STK31: variants seen among roughly 807,000 people sequenced by gnomAD.
The protein encoded by STK31 is serine/threonine-protein kinase 31.
STK31 carries 89 observed loss-of-function variants against 129.7 expected under a neutral mutation model. That is an observed-to-expected ratio of 0.69 (90% CI 0.58 to 0.82). The LOEUF is 0.82. STK31 is among the 40% of genes least tolerant of loss of function. STK31 has a pLI of 0.00. For synonymous variants in STK31, 448 were observed against 395.3 expected, an observed-to-expected ratio of 1.13 and a Z score of -1.58; for missense variants, 1,187 against 1,176.4, an observed-to-expected ratio of 1.01 and a Z score of -0.13.
chr7:23,787,945 A>G, intron 20 of STK31, 35 bp from the exon 21 acceptor site: 1 of 1,474,612 alleles, frequency 6.8e-7, no homozygotes, highest in Non-Finnish European at 9.0e-7. Context: ...TGATTTGCCT[A>G]CTTCCTCACT....
Position 23,743,680 on chromosome 7 carries a change from C to G in STK31, c.1017+6602C>G, listed in dbSNP as rs147175843. On this transcript the variant is annotated intron_variant, in intron 8 of 23. Transcript: ENST00000355870. ...TTTATTTGAATGTCTAAATCTCTTG[C>G]TAGACTTGGGAAGTTTTCAGCTATT... 3.8e-3 allele frequency among the ~76,000 whole-genome samples: 573 copies of G among 152,164 alleles called. 4 individuals carry two copies. Among genetic ancestry groups the G allele is most frequent in the Middle Eastern group, 0.01 (3 of 294 alleles).
At chr7:23,747,461 C>T (rs923257830) in intron 8 of STK31, among the ~76,000 whole-genome samples, 3 of 152,160 alleles carry the variant, frequency 2.0e-5, no homozygotes, top group Non-Finnish European at 4.4e-5. Flanking sequence ...GCCCCACCTC[C>T]TGGGTTCACG....
chr7:23,784,005 C>A (rs1330382045), intron 17 of STK31, among the ~76,000 whole-genome samples: 1 of 151,998 alleles, frequency 6.6e-6, no homozygotes, highest in Non-Finnish European at 1.5e-5. Flanking sequence ...ATATTGCTAG[C>A]CCTGAGGGAT....
chr7:23,826,173 G>T (rs947447997), intron 23 of STK31, among the ~76,000 whole-genome samples: 18 of 152,046 alleles, frequency 1.2e-4, no homozygotes, highest in Non-Finnish European at 1.2e-4. Context: ...CTGTCTTGTT[G>T]GTCTGCCTAA....
chr7:23,717,197 A>G (rs560385703), intron 3 of STK31, among the ~76,000 whole-genome samples: 2 of 145,820 alleles, frequency 1.4e-5, no homozygotes, highest in African/African-American at 5.1e-5. Context: ...GAGCTCTGCA[A>G]TCAAATCAAT....
At position 23,781,505 on chromosome 7, in the gene STK31, T is replaced by C. The variant is rs1346745296; in HGVS notation, c.2052T>C (p.His684=). The C allele has an allele frequency of 1.9e-6, 3 of 1,607,000 alleles. No homozygotes were observed. The African/African-American group carries it at 4.0e-5, about 22-fold the overall frequency. The change falls in exon 16 of 24, where the codon CAT becomes CAC. Residue 684 remains histidine, a synonymous_variant. Coordinates refer to ENST00000355870, the MANE Select transcript of STK31 (RefSeq NM_031414.5). ...LRNNVFQEIY[H]EREEYEMLTS... is the part of the protein sequence containing the mutation. Reference sequence around the variant, plus strand: ...ATAATGTCTTTCAGGAAATTTATCATGAGAGAGAGGAATATGTAAGTATTT... The same window carrying C: ...ATAATGTCTTTCAGGAAATTTATCACGAGAGAGAGGAATATGTAAGTATTT...
chr7:23,716,505 T>C (rs548851446), intron 3 of STK31, among the ~76,000 whole-genome samples: 38 of 152,308 alleles, frequency 2.5e-4, no homozygotes, highest in African/African-American at 8.7e-4. Context: ...ACGAATTTTA[T>C]TGTTTATTGC....
At chr7:23,722,086 A>G (rs1443280488) in intron 4 of STK31, 1 of 155,096 alleles carries the variant, frequency 6.4e-6, no homozygotes, top group Non-Finnish European at 1.4e-5. Context: ...TCAACTCATC[A>G]AAGTCATTCT....
chr7:23,711,310 G>A (rs1055227590), intron 1 of STK31, among the ~76,000 whole-genome samples: 3 of 151,942 alleles, frequency 2.0e-5, no homozygotes, highest in Non-Finnish European at 4.4e-5. Flanking sequence ...GGTGTCACGC[G>A]CCGGTAATCT....
At chr7:23,827,342 T>C (rs1166500215) in intron 23 of STK31, among the ~76,000 whole-genome samples, 1 of 152,216 alleles carries the variant, frequency 6.6e-6, no homozygotes, top group African/African-American at 2.4e-5. Flanking sequence ...TTCATTTCAT[T>C]CATTTCATCT....
intron 4 of STK31, among the ~76,000 whole-genome samples, chr7:23,719,681 T>C (rs1169785018): frequency 1.3e-5 from 2 of 152,118 alleles, no homozygotes; most frequent in East Asian, 1.9e-4. Flanking sequence ...CACCCACTGG[T>C]ATAAAACAGA....
At chr7:23,828,417 T>C (rs1172216461) in intron 23 of STK31, among the ~76,000 whole-genome samples, 1 of 152,252 alleles carries the variant, frequency 6.6e-6, no homozygotes, top group Non-Finnish European at 1.5e-5. Context: ...AATCTCCTGG[T>C]GTGCCGTTTG....
chr7:23,718,207 G>T (rs2128063467), intron 4 of STK31, among the ~76,000 whole-genome samples: 1 of 152,272 alleles, frequency 6.6e-6, no homozygotes, highest in East Asian at 1.9e-4. Context: ...TGTCTGCCAT[G>T]TACCTGGCAC....
Position 23,710,227 on chromosome 7 carries a change from A to C in STK31, c.-59A>C, listed in dbSNP as rs1785840662. The C allele has an allele frequency of 1.2e-6, 2 of 1,611,324 alleles. No homozygotes were observed. Among genetic ancestry groups the C allele is most frequent in the Admixed American group, 1.7e-5 (1 of 59,974 alleles). ...CGCAGTGTGGGGCCCTTGCGGTCGA[A>C]GCTCACGCGGTAAGCCGCTGCACGT... is the stretch of plus-strand genomic sequence containing the variant. On this transcript the variant is annotated 5_prime_UTR_variant, in exon 1 of 24. Coordinates refer to ENST00000355870, the MANE Select transcript of STK31 (RefSeq NM_031414.5).
intron 4 of STK31, 127 bp downstream of exon 4, chr7:23,717,706 C>T (rs1786435643): frequency 1.5e-6 from 1 of 664,082 alleles, no homozygotes; most frequent in Non-Finnish European, 2.6e-6. Context: ...TTTGTATAAA[C>T]TACTGTTATG....
chr7:23,787,103 AG>A (rs1791332871), intron 20 of STK31, among the ~76,000 whole-genome samples, 179 bp downstream of exon 20: 1 of 152,184 alleles, frequency 6.6e-6, no homozygotes, highest in Admixed American at 6.6e-5. Context: ...AAAGCGTTAA[AG>A]GGATTAGATT....
Position 23,735,759 on chromosome 7 carries a change from C to T in STK31, c.705C>T (p.Asn235=). The T allele has an allele frequency of 1.9e-6, 3 of 1,614,134 alleles. No homozygotes were observed. The highest frequency in any genetic ancestry group is 1.1e-5 in the South Asian group (1 of 91,084). ...KLDPGQLVLR[N]LKSPIPLWGH... is the part of the protein sequence containing the mutation. ...ATCCTGGTCAACTTGTTCTCAGGAA[C>T]CTCAAAAGCCCCATTCCTTTGTGGG... The change falls in exon 7 of 24, where the codon AAC becomes AAT. Residue 235 remains asparagine (N), a synonymous_variant. Transcript: ENST00000355870.
At chr7:23,782,882 G>A (rs1264958791) in intron 16 of STK31, among the ~76,000 whole-genome samples, 4 of 152,122 alleles carry the variant, frequency 2.6e-5, no homozygotes, top group African/African-American at 9.7e-5. Flanking sequence ...GTTTGGAAGT[G>A]GGTGAGGACT....
intron 4 of STK31, among the ~76,000 whole-genome samples, chr7:23,723,134 C>G (rs760964327): frequency 6.6e-6 from 1 of 152,268 alleles, no homozygotes; most frequent in Non-Finnish European, 1.5e-5. Context: ...CAGAAATCAC[C>G]CGTCTTCTGC....
Sources: allele counts gnomAD v4.1 joint callset (sites outside exome capture counted in the v4.1 genomes callset), GRCh38; gene constraint gnomAD v4.1.1; transcripts MANE v1.5; gene names NCBI Gene and HGNC (gene_info 2026-07-23, HGNC 2026-07-21).